The following CCDC18 variants were observed in gnomAD, a reference collection of about 807,000 sequenced individuals.
CCDC18 encodes the protein coiled-coil domain-containing protein 18.
A neutral mutation model predicts 196.0 loss-of-function variants in CCDC18; 157 were observed. That is an observed-to-expected ratio of 0.80 (90% CI 0.70 to 0.91). The LOEUF (loss-of-function observed/expected upper bound fraction) is 0.91. Ranked by LOEUF, CCDC18 falls within the 40% of genes least tolerant of loss-of-function variation. The probability of loss-of-function intolerance (pLI) is 0.00; values close to 1 mark genes in which losing one functional copy is unlikely to be tolerated. For missense variants in CCDC18, 1,465 were observed against 1,611.6 expected, an observed-to-expected ratio of 0.91 and a Z score of 1.56; for synonymous variants, 482 against 529.2, an observed-to-expected ratio of 0.91 and a Z score of 1.22.
At chr1:93,181,009 T>G (rs1649526569) in intron 1 of CCDC18, 157 bp downstream of exon 1, 1 of 665,420 alleles carries the variant, frequency 1.5e-6, no homozygotes, top group African/African-American at 1.9e-5. Flanking sequence ...TCTGAACGGT[T>G]GTATTTTATT....
intron 25 of CCDC18, among the ~76,000 whole-genome samples, chr1:93,256,797 G>C (rs754376984): frequency 1.3e-5 from 2 of 152,114 alleles, no homozygotes; most frequent in Non-Finnish European, 1.5e-5. Context: ...TCAGAACTGA[G>C]TTTTGGCTAA....
rs571465356 is a variant in CCDC18, at chr1:93,231,518, T to TA, written c.2293-907dup. On this transcript the variant is annotated intron_variant, in intron 17 of 28. Transcript: ENST00000690025. ...TTATTAAATCTTCCATTCACTTTGG[T>TA]AGGAGATGAAGAATATTATAAAATA... is the stretch of plus-strand genomic sequence containing the variant. Among the ~76,000 whole-genome samples, 897 of 152,210 alleles carry TA rather than the reference T, an allele frequency of 5.9e-3. 4 individuals carry two copies. The highest frequency in any genetic ancestry group is 0.01 in the Non-Finnish European group (681 of 67,988).
At chr1:93,260,148 C>T (rs961446354) in intron 26 of CCDC18, among the ~76,000 whole-genome samples, 3 of 152,160 alleles carry the variant, frequency 2.0e-5, no homozygotes, top group Non-Finnish European at 4.4e-5. Flanking sequence ...CTTTGGGAGG[C>T]CAAGGCAGGT....
intron 21 of CCDC18, among the ~76,000 whole-genome samples, chr1:93,243,761 G>A (rs528870634): frequency 2.4e-4 from 37 of 152,292 alleles, no homozygotes; most frequent in Admixed American, 5.2e-4. Flanking sequence ...AAACTTAAGA[G>A]TCACCTTTGC....
intron 11 of CCDC18, among the ~76,000 whole-genome samples, chr1:93,212,518 G>A (rs1655821892): frequency 6.6e-6 from 1 of 151,958 alleles, no homozygotes; most frequent in Non-Finnish European, 1.5e-5. Context: ...ATAGACCCCA[G>A]TATGTGTTGT....
chr1:93,260,840 C>T (rs1179936082), intron 26 of CCDC18, among the ~76,000 whole-genome samples: 2 of 152,108 alleles, frequency 1.3e-5, no homozygotes, highest in African/African-American at 2.4e-5. Flanking sequence ...CATTGTTTAA[C>T]TCCCACTTAT....
At chr1:93,263,321 AT>A (rs912163896) in intron 26 of CCDC18, among the ~76,000 whole-genome samples, 6 of 151,670 alleles carry the variant, frequency 4.0e-5, no homozygotes, top group Non-Finnish European at 7.4e-5. Context: ...CCAAGCTGCA[AT>A]TTTTTTTTAA....
intron 14 of CCDC18, among the ~76,000 whole-genome samples, chr1:93,218,541 G>C (rs747104242): frequency 6.7e-6 from 1 of 149,636 alleles, no homozygotes; most frequent in Non-Finnish European, 1.5e-5. Flanking sequence ...ATAGAGTCTC[G>C]CTCTGTCGGC....
chr1:93,221,862 A>G lies in CCDC18; in HGVS notation c.2101A>G (p.Met701Val), dbSNP rs1657484045. ...DRLLTESKGEMKKENMKKDEA... is the reference protein window; with the variant it reads ...DRLLTESKGEVKKENMKKDEA... Reference sequence around the variant, plus strand: ...ATACTTTTCTTACTGTTTTTAGGAAATGAAAAAGGAAAATATGAAGAAAGA... The same window carrying G: ...ATACTTTTCTTACTGTTTTTAGGAAGTGAAAAAGGAAAATATGAAGAAAGA... Residue 701 changes from methionine to valine, a missense_variant, in exon 16 of 29, where the codon ATG (methionine) becomes GTG (valine). Met to Val is a conservative substitution (Grantham distance 21). Coordinates refer to ENST00000690025, the MANE Select transcript of CCDC18 (RefSeq NM_001378204.1). The G allele has an allele frequency of 2.5e-6, 4 of 1,596,852 alleles. No homozygotes were observed. The African/African-American group carries it at 4.1e-5, about 16-fold the overall frequency.
At chr1:93,194,195 A>T (rs942461032) in intron 6 of CCDC18, among the ~76,000 whole-genome samples, 1 of 152,152 alleles carries the variant, frequency 6.6e-6, no homozygotes, top group Non-Finnish European at 1.5e-5. Flanking sequence ...CTTCCTTTAG[A>T]AATATATAAA....
At chr1:93,223,331 T>A (rs915466967) in intron 16 of CCDC18, among the ~76,000 whole-genome samples, 3 of 152,128 alleles carry the variant, frequency 2.0e-5, no homozygotes, top group Non-Finnish European at 4.4e-5. Flanking sequence ...TCAAAATGAG[T>A]AAGAAATATA....
chr1:93,183,369 C>G lies in CCDC18; in HGVS notation c.8C>G (p.Ser3Cys). Residue 3 changes from serine to cysteine, a missense_variant, in exon 2 of 29, where the codon TCT becomes TGT. Transcript: ENST00000690025. Reference protein sequence around the residue: MESSSSDYYNKDN... With the variant: MECSSSDYYNKDN... ...TCATTTTTTTTTTAAGAAATGGAAT[C>G]TAGTTCATCAGACTACTATAATAAA... The G allele has an allele frequency of 6.5e-7, 1 of 1,550,066 alleles. No individual in the cohort carries two copies. The highest frequency in any genetic ancestry group is 8.7e-7 in the Non-Finnish European group (1 of 1,147,082).
intron 17 of CCDC18, among the ~76,000 whole-genome samples, chr1:93,229,369 T>TA (rs1658891975): frequency 6.6e-6 from 1 of 152,236 alleles, no homozygotes; most frequent in Non-Finnish European, 1.5e-5. Context: ...AATTATGTCT[T>TA]ACAGAGAAAA....
At chr1:93,183,618 A>G in intron 2 of CCDC18, 123 bp downstream of exon 2, 1 of 677,430 alleles carries the variant, frequency 1.5e-6, no homozygotes, top group Non-Finnish European at 2.2e-6. Flanking sequence ...ATTTTCTTAT[A>G]CTTTTTAATG....
At chr1:93,247,155 G>C (rs2100957279) in intron 23 of CCDC18, among the ~76,000 whole-genome samples, 1 of 152,044 alleles carries the variant, frequency 6.6e-6, no homozygotes, top group Non-Finnish European at 1.5e-5. Context: ...CGAGTTCCTG[G>C]GCTCAAGCAA....
chr1:93,277,970 A>AT (rs1160817337), intron 28 of CCDC18, among the ~76,000 whole-genome samples: 2 of 151,782 alleles, frequency 1.3e-5, no homozygotes, highest in African/African-American at 4.8e-5. Flanking sequence ...ATTTGCTTTT[A>AT]TTTTTTATTT....
At chr1:93,204,419 GGTGA>G (rs1400218720) in intron 7 of CCDC18, among the ~76,000 whole-genome samples, 1 of 152,016 alleles carries the variant, frequency 6.6e-6, no homozygotes, top group East Asian at 1.9e-4. Flanking sequence ...GGAAACTTGG[GGTGA>G]GTATTTCTCA....
At chr1:93,234,135 G>T (rs978273821) in intron 18 of CCDC18, among the ~76,000 whole-genome samples, 4 of 149,004 alleles carry the variant, frequency 2.7e-5, no homozygotes, top group Admixed American at 6.7e-5. Flanking sequence ...GTTTTGTTTT[G>T]TTTTTTTTTA....
Position 93,205,509 on chromosome 1 carries a change from G to A in CCDC18, c.796-1G>A. On this transcript the variant is annotated splice_acceptor_variant, in intron 7 of 28. Coordinates refer to ENST00000690025, the MANE Select transcript of CCDC18 (RefSeq NM_001378204.1). LOFTEE classifies it high-confidence loss of function. Reference sequence around the variant, plus strand: ...TATGTCCACTTAAATTATTGTTTTAGGTTCAAGCTGAAGAAGAAATATTAG... The same window carrying A: ...TATGTCCACTTAAATTATTGTTTTAAGTTCAAGCTGAAGAAGAAATATTAG... 1 of 1,579,350 alleles carries A rather than the reference G, an allele frequency of 6.3e-7. No individual in the cohort carries two copies. The highest frequency in any genetic ancestry group is 8.6e-7 in the Non-Finnish European group (1 of 1,165,122).
Sources: gnomAD v4.1 joint callset for allele counts (sites outside exome capture counted in the v4.1 genomes callset) on GRCh38, gnomAD v4.1.1 for gene constraint, MANE v1.5 for transcripts, NCBI Gene and HGNC (gene_info 2026-07-23, HGNC 2026-07-21) for gene names.